MYH11: variants seen among roughly 807,000 people sequenced by gnomAD.
MYH11 encodes myosin-11.
MYH11 carries 80 observed loss-of-function variants against 246.6 expected under a neutral mutation model. That is an observed-to-expected ratio of 0.32 (90% CI 0.27 to 0.39). The LOEUF (loss-of-function observed/expected upper bound fraction) is 0.39, where lower values mean the gene tolerates loss of function less well. MYH11 is among the 10% of genes least tolerant of loss of function. The pLI is 1.00. For missense variants in MYH11, 2,158 were observed against 2,546.8 expected (o/e 0.85, Z 3.29); for synonymous variants, 1,071 against 1,015.5 (o/e 1.05, Z -1.04).
intron 3 of MYH11, among the ~76,000 whole-genome samples, chr16:15,800,436 AAAG>A (rs1257762383): frequency 1.3e-5 from 2 of 151,464 alleles, no homozygotes; most frequent in Non-Finnish European, 2.9e-5. Flanking sequence ...AGGAAGAAAG[AAAG>A]AAGAAAGGAG....
intron 33 of MYH11, 36 bp from the exon 34 acceptor site, chr16:15,720,348 G>C (rs757375128): frequency 6.2e-7 from 1 of 1,600,942 alleles, no homozygotes; most frequent in Admixed American, 1.7e-5. Flanking sequence ...TGCCCCACTT[G>C]CCCCTGGGAG....
At chr16:15,844,082 A>G (rs72773910) in intron 1 of MYH11, among the ~76,000 whole-genome samples, 6 of 152,306 alleles carry the variant, frequency 3.9e-5, no homozygotes, top group African/African-American at 1.2e-4. Context: ...CGTTACCACT[A>G]ATGACATATT....
intron 40 of MYH11, among the ~76,000 whole-genome samples, chr16:15,705,227 C>T (rs1177460756): frequency 6.6e-6 from 1 of 152,204 alleles, no homozygotes; most frequent in Non-Finnish European, 1.5e-5. Context: ...AACGATCCAC[C>T]TGTCTTAGCC....
At chr16:15,851,306 C>A (rs940230398) in intron 1 of MYH11, among the ~76,000 whole-genome samples, 1 of 152,090 alleles carries the variant, frequency 6.6e-6, no homozygotes. Flanking sequence ...TTCATAACAG[C>A]CACTGTATTT....
chr16:15,835,780 G>A (rs2043875779), intron 2 of MYH11, among the ~76,000 whole-genome samples: 1 of 146,756 alleles, frequency 6.8e-6, no homozygotes. Context: ...AACAGACAAG[G>A]TCTTGCTCTG....
Position 15,735,452 on chromosome 16 carries a change from C to T in MYH11, c.3420G>A (p.Gln1140=), listed in dbSNP as rs972414065. The change falls in exon 26 of 41, where the codon CAG becomes CAA. Residue 1140 remains glutamine, a synonymous_variant. Transcript: ENST00000300036. ...CCAGCTCCTCGCCGAGGTCTCGCTTCTGCTTTTCAGCCTTGTTCCTGGCGG... is the reference window on the plus strand; with the variant it reads ...CCAGCTCCTCGCCGAGGTCTCGCTTTTGCTTTTCAGCCTTGTTCCTGGCGG... ...ERAARNKAEK[Q]KRDLGEELEA... is the part of the protein sequence containing the mutation. 3.1e-6 allele frequency: 5 copies of T among 1,614,154 alleles called. No individual in the cohort carries two copies. Among genetic ancestry groups the T allele is most frequent in the East Asian group, 2.2e-5 (1 of 44,876 alleles).
chr16:15,717,074 T>C, intron 38 of MYH11, 66 bp downstream of exon 38: 1 of 1,549,022 alleles, frequency 6.5e-7, no homozygotes, highest in South Asian at 1.1e-5. Flanking sequence ...GTTCCCTGAC[T>C]TCACTATGAC....
chr16:15,778,938 G>A, intron 6 of MYH11, 95 bp from the exon 7 acceptor site: 2 of 1,177,576 alleles, frequency 1.7e-6, no homozygotes, highest in Non-Finnish European at 2.6e-6. Context: ...TACAGAGGAT[G>A]GGAGGTGGGG....
rs1478359767 is a variant in MYH11, at chr16:15,720,247, C to G, written c.4857G>C (p.Lys1619Asn). The G allele has an allele frequency of 6.2e-7, 1 of 1,614,024 alleles. No homozygotes were observed. The highest frequency in any genetic ancestry group is 8.5e-7 in the Non-Finnish European group (1 of 1,180,016). Residue 1619 changes from lysine to asparagine, a missense_variant, in exon 34 of 41, where the codon AAG becomes AAC. Transcript: ENST00000300036. The part of the protein sequence containing the change: ...RKQRALAAAA[K>N]KKLEGDLKDL... ...CTTTCAGGTCCCCTTCCAGCTTCTT[C>G]TTTGCTGCAGCTGCCAGGGCACGTT...
intron 8 of MYH11, among the ~76,000 whole-genome samples, chr16:15,774,900 A>G (rs1449753878): frequency 1.3e-5 from 2 of 152,196 alleles, no homozygotes; most frequent in African/African-American, 4.8e-5. Flanking sequence ...GGAAATTTAA[A>G]TAATGGATAA....
At chr16:15,782,523 C>A in intron 5 of MYH11, 46 bp from the exon 6 acceptor site, 1 of 1,493,700 alleles carries the variant, frequency 6.7e-7, no homozygotes, top group South Asian at 1.1e-5. Context: ...AACCTAGGTC[C>A]TGACAGTTCT....
rs138096881 is a variant in MYH11, at chr16:15,703,830, G to T, written c.*161C>A. 1.6e-4 allele frequency: 154 copies of T among 954,414 alleles called. No homozygotes were observed. In the African/African-American group the frequency reaches 2.1e-3, roughly 13 times the overall value. 59.1% of individuals were successfully genotyped at this position (954,414 alleles called of 1,614,324 possible). On this transcript the variant is annotated 3_prime_UTR_variant, in exon 41 of 41. Transcript: ENST00000300036. ...GGGTGGTGGTTTTTATATTCCTTGT[G>T]TGAGGGGTGTCTGTGATATTTGGAA...
chr16:15,848,078 C>T (rs1350297803), intron 1 of MYH11, among the ~76,000 whole-genome samples: 3 of 152,106 alleles, frequency 2.0e-5, no homozygotes, highest in African/African-American at 7.2e-5. Flanking sequence ...TGTTTTGCTC[C>T]TACGAGCCTT....
At chr16:15,847,275 G>A (rs1217963169) in intron 1 of MYH11, among the ~76,000 whole-genome samples, 1 of 141,498 alleles carries the variant, frequency 7.1e-6, no homozygotes, top group Admixed American at 7.3e-5. Context: ...TTCTGAGACA[G>A]GGTCTTGCTC....
At chr16:15,763,741 T>TCGGGGCCCCCCCCCCCCCCC in intron 10 of MYH11, 55 bp downstream of exon 10, 2 of 646,858 alleles carry the variant, frequency 3.1e-6, no homozygotes, top group Non-Finnish European at 5.8e-6. Context: ...AAATGTCACC[T>TCGGGGCCCCCCCCCCCCCCC]CCCCCACCCC....
chr16:15,835,746 ATTTTTTTTTT>A (rs386384349), intron 2 of MYH11, among the ~76,000 whole-genome samples: 1 of 132,100 alleles, frequency 7.6e-6, no homozygotes, highest in Admixed American at 7.8e-5. Context: ...AGCTGGTACT[ATTTTTTTTTT>A]TTTTTTTTTT....
In MYH11 at chr16:15,715,281, A is replaced by G; in HGVS notation, c.5505-9T>C. 1 of 1,613,990 alleles carries G rather than the reference A, an allele frequency of 6.2e-7. No homozygotes were observed. The highest frequency in any genetic ancestry group is 8.5e-7 in the Non-Finnish European group (1 of 1,179,952). ...TGGCCGCCTGTTTCTCTCTGCAAAC[A>G]GCAAGGAAAACAGGTGGTTTCAGCG... On this transcript the variant is annotated splice_polypyrimidine_tract_variant and intron_variant, in intron 38 of 40. Coordinates refer to ENST00000300036, the MANE Select transcript of MYH11 (RefSeq NM_002474.3).
chr16:15,825,457 T>G (rs2043536321), intron 2 of MYH11, among the ~76,000 whole-genome samples: 1 of 151,476 alleles, frequency 6.6e-6, no homozygotes, highest in Admixed American at 6.6e-5. Context: ...CTTGGGAGGC[T>G]GAGTCAGGAG....
chr16:15,728,158 G>A (rs2040853065), intron 27 of MYH11, among the ~76,000 whole-genome samples: 1 of 152,044 alleles, frequency 6.6e-6, no homozygotes. Context: ...GAACCTGGGA[G>A]GTGGAGGTTG....
Sources: gnomAD v4.1 joint callset for allele counts (sites outside exome capture counted in the v4.1 genomes callset) on GRCh38, gnomAD v4.1.1 for gene constraint, MANE v1.5 for transcripts, NCBI Gene and HGNC (gene_info 2026-07-23, HGNC 2026-07-21) for gene names.